Variants in CTNNA3 observed in about 807,000 individuals in gnomAD.
CTNNA3 encodes the protein catenin alpha 3.
CTNNA3 carries 76 observed loss-of-function variants against 95.7 expected under a neutral mutation model. The ratio of observed to expected loss-of-function variants is 0.79; its 90% CI spans 0.66 to 0.96. The LOEUF is 0.96. CTNNA3 is among the 40% of genes least tolerant of loss of function. The probability of loss-of-function intolerance (pLI) is 0.00; values close to 1 mark genes in which losing one functional copy is unlikely to be tolerated. For synonymous variants in CTNNA3, 431 were observed against 374.4 expected (o/e 1.15, Z -1.74); for missense variants, 1,191 against 1,089.8 (o/e 1.09, Z -1.31).
At chr10:66,787,021 T>C (rs1840774158) in intron 7 of CTNNA3, among the ~76,000 whole-genome samples, 1 of 152,216 alleles carries the variant, frequency 6.6e-6, no homozygotes, top group Admixed American at 6.5e-5. Context: ...TTCAAAGTGA[T>C]ATTCCTAAGA....
At chr10:66,148,307 A>G (rs1289430102) in intron 13 of CTNNA3, among the ~76,000 whole-genome samples, 18 of 152,102 alleles carry the variant, frequency 1.2e-4, no homozygotes, top group Admixed American at 1.2e-3. Context: ...CTTGTTTAAG[A>G]AAAATCTCAC....
At chr10:66,354,747 G>C (rs1021063989) in intron 12 of CTNNA3, among the ~76,000 whole-genome samples, 3 of 152,018 alleles carry the variant, frequency 2.0e-5, no homozygotes, top group Non-Finnish European at 4.4e-5. Flanking sequence ...CTCTAAGTCT[G>C]TCACTGTGGG....
rs542560611 is a variant in CTNNA3, at chr10:66,434,100, T to G, written c.1532-54748A>C. 2.6e-5 allele frequency among the ~76,000 whole-genome samples: 4 copies of G among 152,272 alleles called. No individual in the cohort carries two copies. In the East Asian group the frequency reaches 7.7e-4, roughly 29 times the overall value. ...ATTATGCCTCCAGCTTTGTTCTTTT[T>G]GCTTAGGATTGTCTTGGCTATATGG... On this transcript the variant is annotated intron_variant, in intron 11 of 17. Coordinates refer to ENST00000433211, the MANE Select transcript of CTNNA3 (RefSeq NM_013266.4).
intron 7 of CTNNA3, among the ~76,000 whole-genome samples, chr10:67,177,558 T>G (rs1209661849): frequency 6.6e-6 from 1 of 152,110 alleles, no homozygotes; most frequent in Non-Finnish European, 1.5e-5. Flanking sequence ...AACAACTGGG[T>G]CCACCAAAGG....
At chr10:66,302,808 A>G (rs2091881683) in intron 12 of CTNNA3, among the ~76,000 whole-genome samples, 1 of 152,184 alleles carries the variant, frequency 6.6e-6, no homozygotes. Flanking sequence ...AAAAACATAC[A>G]AAAGTCCTAA....
At chr10:67,626,425 CTT>C (rs1369080268) in intron 2 of CTNNA3, among the ~76,000 whole-genome samples, 58 of 152,136 alleles carry the variant, frequency 3.8e-4, no homozygotes, top group African/African-American at 1.3e-3. Flanking sequence ...TCATAAATGG[CTT>C]TTTTGGTTCT....
chr10:67,374,634 G>A (rs1433027241), intron 5 of CTNNA3, among the ~76,000 whole-genome samples: 2 of 151,872 alleles, frequency 1.3e-5, no homozygotes, highest in African/African-American at 4.8e-5. Context: ...GTACATATTA[G>A]GTGTATATAT....
At chr10:67,389,018 C>T (rs1323638418) in intron 5 of CTNNA3, among the ~76,000 whole-genome samples, 2 of 151,434 alleles carry the variant, frequency 1.3e-5, no homozygotes, top group Non-Finnish European at 3.0e-5. Flanking sequence ...AGCAAAATAA[C>T]CAGCTAACAT....
chr10:66,319,333 C>T (rs111969110), intron 12 of CTNNA3, among the ~76,000 whole-genome samples: 3 of 152,050 alleles, frequency 2.0e-5, no homozygotes, highest in East Asian at 1.9e-4. Flanking sequence ...TTTACATTAA[C>T]GGAATCCCAA....
intron 11 of CTNNA3, among the ~76,000 whole-genome samples, chr10:66,424,629 T>C (rs2093223698): frequency 2.0e-5 from 3 of 152,248 alleles, no homozygotes; most frequent in South Asian, 4.1e-4. Context: ...TTAATTGTAT[T>C]GTGTTGAGAT....
At chr10:67,449,105 C>T (rs935199442) in intron 5 of CTNNA3, among the ~76,000 whole-genome samples, 1 of 151,820 alleles carries the variant, frequency 6.6e-6, no homozygotes, top group Non-Finnish European at 1.5e-5. Flanking sequence ...AATTAAAAAC[C>T]TAGGAATACA....
chr10:66,217,929 A>G (rs1305770999), intron 13 of CTNNA3, among the ~76,000 whole-genome samples: 1 of 49,500 alleles, frequency 2.0e-5, no homozygotes, highest in Admixed American at 2.9e-4. Context: ...TCACCTCCTA[A>G]CTGATTCTGA....
At chr10:67,716,937 A>G (rs1841147532) in intron 1 of CTNNA3, among the ~76,000 whole-genome samples, 1 of 152,174 alleles carries the variant, frequency 6.6e-6, no homozygotes, top group African/African-American at 2.4e-5. Flanking sequence ...CACTCCCACC[A>G]ACAGTGTAAA....
At chr10:67,500,823 C>T (rs1035223527) in intron 5 of CTNNA3, among the ~76,000 whole-genome samples, 4 of 152,038 alleles carry the variant, frequency 2.6e-5, no homozygotes, top group Non-Finnish European at 5.9e-5. Context: ...TCTGCACGTG[C>T]GATGGGTCTC....
At chr10:66,444,263 C>A (rs1041716657) in intron 11 of CTNNA3, among the ~76,000 whole-genome samples, 2 of 152,068 alleles carry the variant, frequency 1.3e-5, no homozygotes, top group African/African-American at 2.4e-5. Context: ...GGATATTATC[C>A]AGGAGAACTT....
intron 13 of CTNNA3, among the ~76,000 whole-genome samples, chr10:66,264,077 A>G (rs1425994213): frequency 2.0e-5 from 3 of 151,974 alleles, no homozygotes; most frequent in Non-Finnish European, 4.4e-5. Context: ...TCCTAAGAAA[A>G]AAACAATTCC....
intron 7 of CTNNA3, among the ~76,000 whole-genome samples, chr10:67,115,600 C>T (rs1859138791): frequency 1.3e-5 from 2 of 151,600 alleles, no homozygotes; most frequent in Admixed American, 1.3e-4. Flanking sequence ...ACAAAATTAG[C>T]CACAGGATTT....
In CTNNA3 at chr10:67,171,372, C is replaced by T. The variant is rs563481709; in HGVS notation, c.1047+8945G>A. 4.3e-4 allele frequency among the ~76,000 whole-genome samples: 65 copies of T among 152,108 alleles called. 1 individual carries two copies. The highest frequency in any genetic ancestry group is 1.5e-3 in the African/African-American group (64 of 41,492). On this transcript the variant is annotated intron_variant, in intron 7 of 17. Coordinates refer to ENST00000433211, the MANE Select transcript of CTNNA3 (RefSeq NM_013266.4). ...GGCGGTTCACCTGAGGTTGGGAGTT[C>T]GAGACCAGCCTGACCAACATGGAGA... is the stretch of plus-strand genomic sequence containing the variant.
chr10:67,068,253 A>G (rs550642481), intron 7 of CTNNA3, among the ~76,000 whole-genome samples: 115 of 152,308 alleles, frequency 7.6e-4, no homozygotes, highest in Non-Finnish European at 1.3e-3. Flanking sequence ...GAGGAAAGGG[A>G]GGGATTGGAG....
Sources: gnomAD v4.1 joint callset for allele counts (sites outside exome capture counted in the v4.1 genomes callset) on GRCh38, gnomAD v4.1.1 for gene constraint, MANE v1.5 for transcripts, NCBI Gene and HGNC (gene_info 2026-07-23, HGNC 2026-07-21) for gene names.